Variants in ENOX2 observed in about 807,000 individuals in gnomAD.
The protein encoded by ENOX2 is APK1 antigen.
In ENOX2, 36 loss-of-function variants were observed where a neutral mutation model predicts 45.0. The ratio of observed to expected loss-of-function variants is 0.80; its 90% confidence interval spans 0.61 to 1.06. ENOX2 has a LOEUF of 1.06. ENOX2 is among the 50% of genes least tolerant of loss of function. The pLI is 0.00. For synonymous variants in ENOX2, 174 were observed against 152.3 expected, an observed-to-expected ratio of 1.14 and a Z score of -1.05; for missense variants, 423 against 462.5, an observed-to-expected ratio of 0.91 and a Z score of 0.78.
intron 5 of ENOX2, 81 bp downstream of exon 5, chrX:130,688,782 G>T: frequency 1.3e-6 from 1 of 792,609 alleles, no homozygotes. Flanking sequence ...TGAAGCCCTT[G>T]GGTATTCTTT....
At position 130,762,974 on chromosome X, in the gene ENOX2, T is replaced by C. The variant is rs191173129; in HGVS notation, c.-39+20573A>G. On this transcript the variant is annotated intron_variant, in intron 3 of 14. Coordinates refer to ENST00000394363, the MANE Select transcript of ENOX2 (RefSeq NM_006375.4). Reference sequence around the variant, plus strand: ...TTGTCTAATCCTCCTTTCAGTTATATCGGTTTTTGTTTCACACATTTTGCA... The same window carrying C: ...TTGTCTAATCCTCCTTTCAGTTATACCGGTTTTTGTTTCACACATTTTGCA... Among the ~76,000 whole-genome samples the C allele has an allele frequency of 3.7e-3, 419 of 111,791 alleles. 1 individual carries two copies. Among genetic ancestry groups the C allele is most frequent in the African/African-American group, 0.013 (403 of 30,802 alleles).
intron 5 of ENOX2, among the ~76,000 whole-genome samples, chrX:130,680,993 CAAAAA>C (rs1348644701): frequency 1.8e-5 from 2 of 111,118 alleles, no homozygotes; most frequent in Non-Finnish European, 3.8e-5. Context: ...TGTATTTGGT[CAAAAA>C]AAGGGGTAAA....
At chrX:130,699,187 A>G (rs1282066679) in intron 4 of ENOX2, among the ~76,000 whole-genome samples, 1 of 112,239 alleles carries the variant, frequency 8.9e-6, no homozygotes, top group African/African-American at 3.2e-5. Flanking sequence ...TTATGGATTA[A>G]CTTTATTGAA....
intron 2 of ENOX2, among the ~76,000 whole-genome samples, chrX:130,811,109 C>T (rs1289036859): frequency 9.0e-6 from 1 of 111,600 alleles, no homozygotes; most frequent in African/African-American, 3.3e-5. Context: ...TAGGCCAGTC[C>T]CTGTGAATTC....
At chrX:130,787,439 T>C (rs1603350423) in intron 2 of ENOX2, among the ~76,000 whole-genome samples, 2 of 111,948 alleles carry the variant, frequency 1.8e-5, no homozygotes, top group East Asian at 2.8e-4. Context: ...TATTATAACA[T>C]TGAATTTCCA....
chrX:130,798,457 T>C (rs991380724), intron 2 of ENOX2, among the ~76,000 whole-genome samples: 5 of 112,210 alleles, frequency 4.5e-5, no homozygotes, highest in Non-Finnish European at 9.4e-5. Context: ...GTACCTACAA[T>C]CTGTAGGGAA....
At chrX:130,853,485 A>C (rs2078256530) in intron 2 of ENOX2, among the ~76,000 whole-genome samples, 2 of 107,664 alleles carry the variant, frequency 1.9e-5, no homozygotes, top group Non-Finnish European at 3.9e-5. Context: ...AAAAAAAAAA[A>C]AGAAAGAAAG....
intron 2 of ENOX2, among the ~76,000 whole-genome samples, chrX:130,899,342 CA>C (rs2079107807): frequency 8.9e-6 from 1 of 111,959 alleles, no homozygotes; most frequent in Non-Finnish European, 1.9e-5. Flanking sequence ...TCTTTTCACC[CA>C]ATAACCATTT....
At chrX:130,721,016 G>A (rs1467859359) in intron 3 of ENOX2, among the ~76,000 whole-genome samples, 2 of 111,860 alleles carry the variant, frequency 1.8e-5, no homozygotes, top group Non-Finnish European at 3.8e-5. Context: ...CACAACAGGG[G>A]TGACCAAGGG....
chrX:130,683,918 T>C (rs2037379985), intron 5 of ENOX2, among the ~76,000 whole-genome samples: 1 of 112,118 alleles, frequency 8.9e-6, no homozygotes, highest in African/African-American at 3.2e-5. Context: ...GTTTGATCCA[T>C]TGACTTTTTA....
At chrX:130,761,792 G>A (rs1442275037) in intron 3 of ENOX2, among the ~76,000 whole-genome samples, 1 of 110,984 alleles carries the variant, frequency 9.0e-6, no homozygotes, top group Non-Finnish European at 1.9e-5. Context: ...CATTCATGAG[G>A]GTTCTGCCCC....
chrX:130,789,009 A>G (rs2077005121), intron 2 of ENOX2, among the ~76,000 whole-genome samples: 2 of 107,471 alleles, frequency 1.9e-5, no homozygotes, highest in Admixed American at 1.0e-4. Flanking sequence ...AATGCAGATT[A>G]TCTGACTCCA....
rs181446573 is a variant in ENOX2, at chrX:130,763,719, T to A, written c.-39+19828A>T. Among the ~76,000 whole-genome samples, 13 of 110,729 alleles carry A rather than the reference T, an allele frequency of 1.2e-4. No individual in the cohort carries two copies. The East Asian group carries it at 3.1e-3, about 27-fold the overall frequency. ...CCTCATCTCTATAAAAATAAAATTT[T>A]AAAAAAAGTTCCAGCTTGGTACTTT... On this transcript the variant is annotated intron_variant, in intron 3 of 14. Transcript: ENST00000394363.
At chrX:130,638,348 G>A (rs1439867764) in intron 10 of ENOX2, among the ~76,000 whole-genome samples, 1 of 109,765 alleles carries the variant, frequency 9.1e-6, no homozygotes, top group Non-Finnish European at 1.9e-5. Flanking sequence ...TTACAGGCGT[G>A]AGCCACCACG....
chrX:130,635,017 C>G lies in ENOX2; in HGVS notation c.1386G>C (p.Gln462His), dbSNP rs2035895610. 1.7e-6 allele frequency: 2 copies of G among 1,192,313 alleles called. No homozygotes were observed. The highest frequency in any genetic ancestry group is 2.2e-5 in the Admixed American group (1 of 45,271). The part of the protein sequence containing the change: ...ELEKLKDDKL[Q>H]VEKMLENLKE... ...TAAGATTTTCCAACATTTTTTCCAC[C>G]TGTAACTTGTCATCTTTGAGTTTTT... The change falls in exon 12 of 15, where the codon CAG becomes CAC. Residue 462 changes from glutamine to histidine, a missense_variant. Gln to His is a conservative substitution (Grantham distance 24, BLOSUM62 0). Coordinates refer to ENST00000394363, the MANE Select transcript of ENOX2 (RefSeq NM_006375.4).
chrX:130,680,442 G>A (rs1232950523), intron 5 of ENOX2, among the ~76,000 whole-genome samples: 1 of 111,381 alleles, frequency 9.0e-6, no homozygotes, highest in Non-Finnish European at 1.9e-5. Context: ...AAGCTCGTCT[G>A]GGAAATCATT....
chrX:130,900,979 T>C (rs1052788366), intron 2 of ENOX2, among the ~76,000 whole-genome samples: 1 of 112,373 alleles, frequency 8.9e-6, no homozygotes, highest in Admixed American at 9.4e-5. Context: ...ACATCCAAAG[T>C]GCTATCAAGG....
intron 10 of ENOX2, among the ~76,000 whole-genome samples, chrX:130,649,243 C>T (rs1307854322): frequency 9.3e-6 from 1 of 107,543 alleles, no homozygotes; most frequent in Non-Finnish European, 1.9e-5. Context: ...GTCAAATAAA[C>T]CTTTTTTCTT....
intron 3 of ENOX2, among the ~76,000 whole-genome samples, chrX:130,770,843 G>T (rs946039051): frequency 4.5e-5 from 5 of 111,946 alleles, no homozygotes; most frequent in Non-Finnish European, 9.4e-5. Flanking sequence ...GGTAGTATTC[G>T]TCATCAAAAT....
Sources: gnomAD v4.1 joint callset for allele counts (sites outside exome capture counted in the v4.1 genomes callset) on GRCh38, gnomAD v4.1.1 for gene constraint, MANE v1.5 for transcripts, NCBI Gene and HGNC (gene_info 2026-07-23, HGNC 2026-07-21) for gene names.